Variants in SMAD2 observed in about 807,000 individuals in gnomAD.
SMAD2 encodes SMAD family member 2.
A neutral mutation model predicts 64.4 loss-of-function variants in SMAD2; 8 were observed. The observed-to-expected ratio is 0.12, with a 90% CI of 0.07 to 0.22. The LOEUF (loss-of-function observed/expected upper bound fraction) is 0.22, where lower values mean the gene tolerates loss of function less well. Ranked by LOEUF, SMAD2 falls within the 10% of genes least tolerant of loss-of-function variation. The probability of loss-of-function intolerance (pLI) is 1.00; values close to 1 mark genes in which losing one functional copy is unlikely to be tolerated. For synonymous variants in SMAD2, 203 were observed against 195.8 expected (o/e 1.04, Z -0.31); for missense variants, 289 against 561.2 (o/e 0.51, Z 4.90).
At chr18:47,889,720 G>A (rs1220240366) in intron 2 of SMAD2, among the ~76,000 whole-genome samples, 1 of 149,528 alleles carries the variant, frequency 6.7e-6, no homozygotes, top group East Asian at 2.0e-4. Flanking sequence ...GCAGTGAGCC[G>A]ACATCACGCC....
rs1238347389 is a variant in SMAD2, at chr18:47,834,157, G to C, written c.*7670C>G. 1.4e-5 allele frequency: 3 copies of C among 213,036 alleles called. No individual in the cohort carries two copies. Among genetic ancestry groups the C allele is most frequent in the African/African-American group, 6.8e-5 (3 of 44,116 alleles). The allele number at this position is 213,036 out of a possible 1,614,324, so 13.2% of individuals were successfully genotyped here. On this transcript the variant is annotated 3_prime_UTR_variant, in exon 11 of 11. Coordinates refer to ENST00000262160, the MANE Select transcript of SMAD2 (RefSeq NM_005901.6). ...AAATGTTGACAGCCATAGTGCAGCT[G>C]AGTTTAGAAGCAACTATGACAACAT...
In SMAD2 at chr18:47,819,090, G is replaced by C. The variant is rs887333692; in HGVS notation, c.*22737C>G. ...AAGGAATTCTATTCATCAAATAAAT[G>C]AGTGCTAATACAAAATATATAGTAA... On this transcript the variant is annotated 3_prime_UTR_variant, in exon 11 of 11. Coordinates refer to ENST00000262160, the MANE Select transcript of SMAD2 (RefSeq NM_005901.6). The C allele has an allele frequency of 6.6e-6, 1 of 152,210 alleles. No homozygotes were observed. The highest frequency in any genetic ancestry group is 2.4e-5 in the African/African-American group (1 of 41,452). 9.4% of individuals were successfully genotyped at this position (152,210 alleles called of 1,614,324 possible). A position where few individuals can be genotyped will look rare whatever the true frequency, so the allele number is the denominator to read the frequency against.
chr18:47,900,723 T>C (rs1256438353), intron 1 of SMAD2, among the ~76,000 whole-genome samples: 2 of 152,142 alleles, frequency 1.3e-5, no homozygotes, highest in Non-Finnish European at 2.9e-5. Flanking sequence ...TGCATAGACT[T>C]AAGGCTATAA....
rs1216972001 is a variant in SMAD2 at position 47,825,541 on chromosome 18, G to C, written c.*16286C>G. On this transcript the variant is annotated 3_prime_UTR_variant, in exon 11 of 11. Transcript: ENST00000262160. ...GCAGCAAAGCCCTTGCCAAAAGCCA[G>C]GGCCATGCCCTTGAACTTCCCAGCC... 1 of 152,880 alleles carries C rather than the reference G, an allele frequency of 6.5e-6. No homozygotes were observed. Among genetic ancestry groups the C allele is most frequent in the Non-Finnish European group, 1.5e-5 (1 of 68,590 alleles). The allele number at this position is 152,880 out of a possible 1,614,324, so 9.5% of individuals were successfully genotyped here. A position where few individuals can be genotyped will look rare whatever the true frequency, so the allele number is the denominator to read the frequency against.
Position 47,865,049 on chromosome 18 carries a change from T to C in SMAD2, c.730+10A>G, listed in dbSNP as rs1024741463. The C allele has an allele frequency of 6.8e-6, 10 of 1,465,446 alleles. No homozygotes were observed. Among genetic ancestry groups the C allele is most frequent in the Non-Finnish European group, 9.5e-6 (10 of 1,056,260 alleles). The allele number at this position is 1,465,446 out of a possible 1,614,324, so 90.8% of individuals were successfully genotyped here. ...AATAACTGAGGAATTTTCAAAGACA[T>C]TTTTTTTACCTGTGTCCATACTTTG... On this transcript the variant is annotated intron_variant, in intron 6 of 10. Coordinates refer to ENST00000262160, the MANE Select transcript of SMAD2 (RefSeq NM_005901.6).
rs1913719123 is a variant in SMAD2, at chr18:47,839,235, A to G, written c.*2592T>C. The stretch of plus-strand genomic sequence containing the variant: ...ACTGTAGAGATGCGCTCCACTACTG[A>G]AACAGCATAGTAGGCACTGCTTGAC... On this transcript the variant is annotated 3_prime_UTR_variant, in exon 11 of 11. Transcript: ENST00000262160. 2 of 233,304 alleles carry G rather than the reference A, an allele frequency of 8.6e-6. No homozygotes were observed. 14.5% of individuals were successfully genotyped at this position (233,304 alleles called of 1,614,324 possible).
rs2034659619 is a variant in SMAD2 at position 47,923,940 on chromosome 18, C to T, written c.-54+6421G>A. On this transcript the variant is annotated intron_variant, in intron 1 of 10. Transcript: ENST00000262160. ...TTGATCAGCTAACATGAACTACAAC[C>T]TAACTACCTGTCTATTAAGAATTTT... is the stretch of plus-strand genomic sequence containing the variant. Among the ~76,000 whole-genome samples the T allele has an allele frequency of 2.0e-5, 3 of 152,096 alleles. No individual in the cohort carries two copies. In the South Asian group the frequency reaches 6.2e-4, roughly 31 times the overall value.
chr18:47,860,119 G>A (rs2031058245), intron 6 of SMAD2, among the ~76,000 whole-genome samples: 1 of 152,098 alleles, frequency 6.6e-6, no homozygotes, highest in Non-Finnish European at 1.5e-5. Context: ...GGGCAACGAA[G>A]TGAGATCCTG....
chr18:47,926,746 G>C (rs746621353), intron 1 of SMAD2, among the ~76,000 whole-genome samples: 5 of 152,090 alleles, frequency 3.3e-5, no homozygotes, highest in African/African-American at 9.7e-5. Flanking sequence ...TTTTACAATA[G>C]GTCCATAATA....
rs958979687 is a variant in SMAD2, at chr18:47,815,510, T to A, written c.*26317A>T. The stretch of plus-strand genomic sequence containing the variant: ...CAATTCCAGACCTGCTAAAGCAGAA[T>A]CTCACAATTGAGGCCAGGGAACCTA... On this transcript the variant is annotated 3_prime_UTR_variant, in exon 11 of 11. Coordinates refer to ENST00000262160, the MANE Select transcript of SMAD2 (RefSeq NM_005901.6). The A allele has an allele frequency of 5.9e-5, 9 of 152,246 alleles. No individual in the cohort carries two copies. The highest frequency in any genetic ancestry group is 2.2e-4 in the African/African-American group (9 of 41,472). 9.4% of individuals were successfully genotyped at this position (152,246 alleles called of 1,614,324 possible).
chr18:47,869,456 A>G lies in SMAD2; in HGVS notation c.327-20T>C, dbSNP rs201367323. The G allele has an allele frequency of 3.5e-5, 55 of 1,590,080 alleles. No individual in the cohort carries two copies. Among genetic ancestry groups the G allele is most frequent in the South Asian group, 6.7e-5 (6 of 89,742 alleles). ...AGAGACCTGTTGGGAAGCAAGGGGAAAAGAAAGGAGGGAACTTTAAAAAAA... is the reference window on the plus strand; with the variant it reads ...AGAGACCTGTTGGGAAGCAAGGGGAGAAGAAAGGAGGGAACTTTAAAAAAA... On this transcript the variant is annotated intron_variant, in intron 3 of 10. Transcript: ENST00000262160.
At chr18:47,857,221 AC>A (rs2030781956) in intron 6 of SMAD2, among the ~76,000 whole-genome samples, 1 of 152,190 alleles carries the variant, frequency 6.6e-6, no homozygotes, top group Non-Finnish European at 1.5e-5. Flanking sequence ...TTTATCTGAC[AC>A]AGAATAATGG....
Position 47,918,321 on chromosome 18 carries a change from G to A in SMAD2, c.-54+12040C>T, listed in dbSNP as rs145906224. Among the ~76,000 whole-genome samples, 279 of 152,250 alleles carry A rather than the reference G, an allele frequency of 1.8e-3. 1 individual carries two copies. Among genetic ancestry groups the A allele is most frequent in the African/African-American group, 6.4e-3 (264 of 41,548 alleles). Reference sequence around the variant, plus strand: ...GACTCCCAAACCCCTTCCTCCACTGGGTTTTGGCTCCCAAATACTAGCAGC... The same window carrying A: ...GACTCCCAAACCCCTTCCTCCACTGAGTTTTGGCTCCCAAATACTAGCAGC... On this transcript the variant is annotated intron_variant, in intron 1 of 10. Transcript: ENST00000262160.
At chr18:47,890,960 C>T (rs2033159896) in intron 2 of SMAD2, among the ~76,000 whole-genome samples, 1 of 152,144 alleles carries the variant, frequency 6.6e-6, no homozygotes, top group African/African-American at 2.4e-5. Flanking sequence ...GACAACTGCT[C>T]TATTCCAAGA....
In SMAD2 at chr18:47,830,576, C is replaced by CAAAAAAAAAAAAAAA. The variant is rs5824708; in HGVS notation, c.*11236_*11250dup. 7.2e-5 allele frequency: 9 copies of CAAAAAAAAAAAAAAA among 125,448 alleles called. No individual in the cohort carries two copies. The highest frequency in any genetic ancestry group is 2.9e-4 in the African/African-American group (9 of 31,102). 7.8% of individuals were successfully genotyped at this position (125,448 alleles called of 1,614,324 possible). On this transcript the variant is annotated 3_prime_UTR_variant, in exon 11 of 11. Transcript: ENST00000262160. The stretch of plus-strand genomic sequence containing the variant: ...GGGCAACAGAGCAAGACTCTGTCTC[C>CAAAAAAAAAAAAAAA]AAAAAAAAAAAAAAAAAATTCGTTT...
chr18:47,873,540 T>C (rs2032072892), intron 2 of SMAD2, among the ~76,000 whole-genome samples: 1 of 152,142 alleles, frequency 6.6e-6, no homozygotes, highest in Non-Finnish European at 1.5e-5. Flanking sequence ...CTGAAGCACA[T>C]AATAAATTCT....
At chr18:47,877,464 G>A (rs1265373073) in intron 2 of SMAD2, among the ~76,000 whole-genome samples, 1 of 152,000 alleles carries the variant, frequency 6.6e-6, no homozygotes, top group African/African-American at 2.4e-5. Flanking sequence ...GTTAATCACT[G>A]TAATAATTTT....
At chr18:47,899,668 T>C (rs1327721935) in intron 1 of SMAD2, among the ~76,000 whole-genome samples, 2 of 152,204 alleles carry the variant, frequency 1.3e-5, no homozygotes, top group South Asian at 2.1e-4. Context: ...GAGCTCTTTA[T>C]ACAATCAACA....
rs1229602917 is a variant in SMAD2 at position 47,826,181 on chromosome 18, G to A, written c.*15646C>T. 6.6e-6 allele frequency: 1 copy of A among 152,218 alleles called. No individual in the cohort carries two copies. Among genetic ancestry groups the A allele is most frequent in the Non-Finnish European group, 1.5e-5 (1 of 68,040 alleles). The allele number at this position is 152,218 out of a possible 1,614,324, so 9.4% of individuals were successfully genotyped here. On this transcript the variant is annotated 3_prime_UTR_variant, in exon 11 of 11. Coordinates refer to ENST00000262160, the MANE Select transcript of SMAD2 (RefSeq NM_005901.6). ...TAGGCTTCTACTCAATGCTCTGTAA[G>A]TTAAAACATTTCAAACCAAATAGGC... is the stretch of plus-strand genomic sequence containing the variant.
Sources: gnomAD v4.1 joint callset for allele counts (sites outside exome capture counted in the v4.1 genomes callset) on GRCh38, gnomAD v4.1.1 for gene constraint, MANE v1.5 for transcripts, NCBI Gene and HGNC (gene_info 2026-07-23, HGNC 2026-07-21) for gene names.